FRMD4A: variants seen among roughly 807,000 people sequenced by gnomAD.
FRMD4A encodes the protein FERM domain-containing protein 4A.
A neutral mutation model predicts 129.1 loss-of-function variants in FRMD4A; 29 were observed. The ratio of observed to expected loss-of-function variants is 0.22; its 90% CI spans 0.17 to 0.31. FRMD4A has a LOEUF of 0.31. Among genes scored for constraint, FRMD4A ranks in the 10% least tolerant of loss-of-function variants. The probability of loss-of-function intolerance (pLI) is 1.00; values close to 1 mark genes in which losing one functional copy is unlikely to be tolerated. For missense variants in FRMD4A, 1,272 were observed against 1,375.8 expected (o/e 0.92, Z 1.19); for synonymous variants, 634 against 571.6 (o/e 1.11, Z -1.56).
At chr10:14,245,999 C>T (rs971173718) in intron 2 of FRMD4A, among the ~76,000 whole-genome samples, 1 of 152,174 alleles carries the variant, frequency 6.6e-6, no homozygotes, top group African/African-American at 2.4e-5. Context: ...AACCTCCCTC[C>T]GTCATCTGCC....
At chr10:14,175,573 G>A (rs1304298370) in intron 2 of FRMD4A, among the ~76,000 whole-genome samples, 1 of 139,838 alleles carries the variant, frequency 7.2e-6, no homozygotes, top group African/African-American at 2.7e-5. Context: ...TCAGGCTGCA[G>A]TACAGTGGTG....
intron 2 of FRMD4A, among the ~76,000 whole-genome samples, chr10:14,165,438 G>A (rs1055655779): frequency 1.3e-5 from 2 of 152,156 alleles, no homozygotes; most frequent in African/African-American, 2.4e-5. Context: ...TTCAACCCCT[G>A]TTTAAAGCAG....
At chr10:14,308,540 T>C (rs1475445426) in intron 2 of FRMD4A, among the ~76,000 whole-genome samples, 1 of 152,234 alleles carries the variant, frequency 6.6e-6, no homozygotes, top group Non-Finnish European at 1.5e-5. Context: ...TCCTATGATT[T>C]AGTGAACTCT....
At chr10:14,183,775 A>G (rs1048045722) in intron 2 of FRMD4A, among the ~76,000 whole-genome samples, 1 of 152,208 alleles carries the variant, frequency 6.6e-6, no homozygotes, top group Non-Finnish European at 1.5e-5. Flanking sequence ...AGAGACACTC[A>G]TGCCTGAGGT....
chr10:13,836,490 A>C (rs2093875560), intron 3 of FRMD4A, among the ~76,000 whole-genome samples: 1 of 152,162 alleles, frequency 6.6e-6, no homozygotes, highest in Non-Finnish European at 1.5e-5. Flanking sequence ...GCGGGGAGGA[A>C]ACAGAGAAAC....
chr10:13,740,276 C>T (rs1243602797), intron 10 of FRMD4A, 25 bp from the exon 11 acceptor site: 3 of 1,526,358 alleles, frequency 2.0e-6, no homozygotes, highest in African/African-American at 2.7e-5. Flanking sequence ...CGAAGATACA[C>T]AAACACACAC....
chr10:13,647,682 T>C (rs1020709663), intron 24 of FRMD4A: 1 of 150,738 alleles, frequency 6.6e-6, no homozygotes, highest in African/African-American at 2.4e-5. Flanking sequence ...TTTGTGATTA[T>C]AAAAGTGTGT....
intron 2 of FRMD4A, among the ~76,000 whole-genome samples, chr10:13,995,711 T>C (rs1443523895): frequency 6.6e-6 from 1 of 152,244 alleles, no homozygotes; most frequent in African/African-American, 2.4e-5. Context: ...GTTCTGCTCG[T>C]TGACAATTGG....
intron 2 of FRMD4A, among the ~76,000 whole-genome samples, chr10:14,021,400 T>TA (rs1042894265): frequency 2.7e-5 from 4 of 148,338 alleles, no homozygotes; most frequent in East Asian, 3.9e-4. Context: ...AAAAAAATAA[T>TA]AAAAAAAACA....
intron 2 of FRMD4A, among the ~76,000 whole-genome samples, chr10:14,093,621 G>C (rs771693960): frequency 5.9e-5 from 9 of 152,270 alleles, no homozygotes; most frequent in Admixed American, 3.3e-4. Context: ...TTTCTGCAAA[G>C]AAAATATGTT....
At chr10:14,063,745 G>A (rs557535143) in intron 2 of FRMD4A, among the ~76,000 whole-genome samples, 5 of 152,108 alleles carry the variant, frequency 3.3e-5, no homozygotes, top group African/African-American at 9.6e-5. Context: ...AATCTTGTAC[G>A]TGGATTTAGC....
intron 2 of FRMD4A, among the ~76,000 whole-genome samples, chr10:14,177,215 T>G (rs1841761253): frequency 6.6e-6 from 1 of 152,134 alleles, no homozygotes; most frequent in Non-Finnish European, 1.5e-5. Flanking sequence ...TTGTTTTTTT[T>G]GAGACAAAGT....
chr10:13,660,202 G>A, intron 20 of FRMD4A, 114 bp downstream of exon 20: 1 of 702,658 alleles, frequency 1.4e-6, no homozygotes, highest in South Asian at 1.8e-5. Context: ...ACCCCACGGG[G>A]AGGAACTAGG....
chr10:13,867,212 G>A (rs1035666875), intron 2 of FRMD4A, among the ~76,000 whole-genome samples: 3 of 152,026 alleles, frequency 2.0e-5, no homozygotes, highest in South Asian at 2.1e-4. Context: ...ATCCAATAGC[G>A]TTATGATGTA....
At chr10:13,927,262 G>T (rs201216703) in intron 2 of FRMD4A, among the ~76,000 whole-genome samples, 3 of 133,256 alleles carry the variant, frequency 2.3e-5, no homozygotes, top group African/African-American at 8.3e-5. Context: ...CAAAAAAAAA[G>T]AAAAAAAAAA....
intron 2 of FRMD4A, among the ~76,000 whole-genome samples, chr10:14,329,655 C>A (rs1843433195): frequency 6.6e-6 from 1 of 152,138 alleles, no homozygotes; most frequent in Admixed American, 6.5e-5. Flanking sequence ...CATTCTGTCA[C>A]CCCATGGGCA....
At chr10:14,033,792 G>C (rs1042526544) in intron 2 of FRMD4A, among the ~76,000 whole-genome samples, 1 of 149,926 alleles carries the variant, frequency 6.7e-6, no homozygotes, top group African/African-American at 2.5e-5. Context: ...AAGAGAGAGA[G>C]AGAGAGAGAG....
chr10:14,229,225 C>G (rs1371823010), intron 2 of FRMD4A, among the ~76,000 whole-genome samples: 1 of 151,650 alleles, frequency 6.6e-6, no homozygotes, highest in African/African-American at 2.4e-5. Flanking sequence ...TTTTTAAAAA[C>G]CTACTTAAGA....
At position 13,709,670 on chromosome 10, in the gene FRMD4A, C is replaced by T. The variant is rs187953964; in HGVS notation, c.760-2557G>A. Among the ~76,000 whole-genome samples, 81 of 152,232 alleles carry T rather than the reference C, an allele frequency of 5.3e-4. 1 individual carries two copies. Among genetic ancestry groups the T allele is most frequent in the African/African-American group, 1.9e-3 (77 of 41,534 alleles). On this transcript the variant is annotated intron_variant, in intron 12 of 24. Transcript: ENST00000357447. ...GGGTCCTGTTGGCTGCATACCACGG[C>T]GGTCCCTCAGCCGCTATCCTGCACC...
Sources: allele counts gnomAD v4.1 joint callset (sites outside exome capture counted in the v4.1 genomes callset), GRCh38; gene constraint gnomAD v4.1.1; transcripts MANE v1.5; gene names NCBI Gene and HGNC (gene_info 2026-07-23, HGNC 2026-07-21).